Variants in MAML3 observed in about 807,000 individuals in gnomAD.
MAML3 encodes mastermind-like protein 3.
MAML3 carries 27 observed loss-of-function variants against 101.9 expected under a neutral mutation model. The ratio of observed to expected loss-of-function variants is 0.27; its 90% confidence interval spans 0.20 to 0.37. The LOEUF is 0.37. Ranked by LOEUF, MAML3 falls within the 10% of genes least tolerant of loss-of-function variation. The pLI, the probability that MAML3 is intolerant of heterozygous loss-of-function variation, is 1.00. For synonymous variants in MAML3, 501 were observed against 555.9 expected (o/e 0.90, Z 1.39); for missense variants, 1,316 against 1,444.9 (o/e 0.91, Z 1.45).
intron 1 of MAML3, among the ~76,000 whole-genome samples, chr4:140,083,961 CACACACAGAGAGAG>C (rs764911405): frequency 0.055 from 1,975 of 35,948 alleles, 36 homozygotes; most frequent in African/African-American, 0.12. Flanking sequence ...CACACACACA[CACACACAGAGAGAG>C]AGAGAGAGAG....
chr4:139,746,696 C>G (rs1360533814), intron 2 of MAML3, among the ~76,000 whole-genome samples: 1 of 152,146 alleles, frequency 6.6e-6, no homozygotes, highest in Non-Finnish European at 1.5e-5. Flanking sequence ...CGCAGGCAGC[C>G]AATTTGTTTT....
At chr4:139,908,594 A>T (rs1298648831) in intron 1 of MAML3, among the ~76,000 whole-genome samples, 1 of 152,242 alleles carries the variant, frequency 6.6e-6, no homozygotes, top group African/African-American at 2.4e-5. Flanking sequence ...AAGGATGTTT[A>T]TTTACTAACA....
At chr4:140,144,385 A>C (rs1473388676) in intron 1 of MAML3, among the ~76,000 whole-genome samples, 1 of 150,854 alleles carries the variant, frequency 6.6e-6, no homozygotes, top group Non-Finnish European at 1.5e-5. Context: ...CACCTCTACC[A>C]AAAAAACAAA....
intron 1 of MAML3, among the ~76,000 whole-genome samples, chr4:140,086,223 C>T (rs1727949416): frequency 6.6e-6 from 1 of 152,208 alleles, no homozygotes; most frequent in African/African-American, 2.4e-5. Flanking sequence ...TCTGACCCTC[C>T]ACCATCCGCA....
chr4:140,019,307 T>TA lies in MAML3; in HGVS notation c.469-128341dup, dbSNP rs148519019. 3.4e-3 allele frequency among the ~76,000 whole-genome samples: 515 copies of TA among 152,304 alleles called. 1 individual carries two copies. Among genetic ancestry groups the TA allele is most frequent in the African/African-American group, 0.011 (470 of 41,552 alleles). On this transcript the variant is annotated intron_variant, in intron 1 of 4. Coordinates refer to ENST00000509479, the MANE Select transcript of MAML3 (RefSeq NM_018717.5). Reference sequence around the variant, plus strand: ...TCAGAAGCCTGAGTGAAGTATACCTTAGTCACCCTGTAATTAATTACTTCA... The same window carrying TA: ...TCAGAAGCCTGAGTGAAGTATACCTTAAGTCACCCTGTAATTAATTACTTCA...
intron 1 of MAML3, among the ~76,000 whole-genome samples, chr4:140,127,392 A>C (rs1411708811): frequency 6.6e-6 from 1 of 151,480 alleles, no homozygotes; most frequent in Non-Finnish European, 1.5e-5. Flanking sequence ...AAATGATGGG[A>C]GACAGTATAT....
At chr4:140,109,660 T>C (rs530340032) in intron 1 of MAML3, among the ~76,000 whole-genome samples, 1 of 152,350 alleles carries the variant, frequency 6.6e-6, no homozygotes, top group South Asian at 2.1e-4. Flanking sequence ...AACAGAAAGC[T>C]TTCCTTCAAC....
intron 1 of MAML3, among the ~76,000 whole-genome samples, chr4:140,017,869 A>G (rs1458969295): frequency 2.0e-5 from 3 of 151,940 alleles, no homozygotes; most frequent in African/African-American, 4.8e-5. Flanking sequence ...ATCAATGTTA[A>G]TACCCTGGTT....
rs1387316383 is a variant in MAML3 at position 139,970,031 on chromosome 4, T to C, written c.469-79064A>G. Reference sequence around the variant, plus strand: ...TTGATGAAGATTTTTCATTAACTACTGGGTATGAGGTCAGTGGGTTATGAA... The same window carrying C: ...TTGATGAAGATTTTTCATTAACTACCGGGTATGAGGTCAGTGGGTTATGAA... On this transcript the variant is annotated intron_variant, in intron 1 of 4. Transcript: ENST00000509479. Among the ~76,000 whole-genome samples, 4 of 152,332 alleles carry C rather than the reference T, an allele frequency of 2.6e-5. No homozygotes were observed. In the East Asian group the frequency reaches 7.7e-4, roughly 29 times the overall value.
At chr4:139,770,950 G>T (rs1247408844) in intron 2 of MAML3, among the ~76,000 whole-genome samples, 1 of 152,164 alleles carries the variant, frequency 6.6e-6, no homozygotes, top group Admixed American at 6.5e-5. Flanking sequence ...GTTGTGAAAG[G>T]ATTAACAACT....
At chr4:139,874,535 T>C (rs1467371529) in intron 2 of MAML3, among the ~76,000 whole-genome samples, 12 of 152,168 alleles carry the variant, frequency 7.9e-5, no homozygotes, top group African/African-American at 2.9e-4. Context: ...CCAGAATCTT[T>C]CTATCTTTGT....
intron 1 of MAML3, among the ~76,000 whole-genome samples, chr4:140,144,749 C>A (rs935992787): frequency 6.6e-6 from 1 of 152,120 alleles, no homozygotes; most frequent in African/African-American, 2.4e-5. Flanking sequence ...TAAAAGCATG[C>A]TTTACTTCTG....
intron 1 of MAML3, among the ~76,000 whole-genome samples, chr4:140,030,965 A>G (rs1240101249): frequency 6.6e-6 from 1 of 152,148 alleles, no homozygotes; most frequent in African/African-American, 2.4e-5. Flanking sequence ...CGTCTGAAAA[A>G]CCTGGGCTCC....
At chr4:139,828,712 CTTTTTTTT>C (rs996757226) in intron 2 of MAML3, among the ~76,000 whole-genome samples, 2 of 128,704 alleles carry the variant, frequency 1.6e-5, no homozygotes, top group Admixed American at 7.6e-5. Flanking sequence ...AGATGCACTT[CTTTTTTTT>C]TTTTTTTTTT....
In MAML3 at chr4:139,719,601, C is replaced by T. The variant is rs1386097729; in HGVS notation, c.3139G>A (p.Val1047Ile). The change falls in exon 5 of 5, where the codon GTC becomes ATC. Residue 1047 changes from valine (V) to isoleucine (I), a missense_variant. Transcript: ENST00000509479. Reference sequence around the variant, plus strand: ...ACTCCCTGGCTCAGGCCAGACATGACCATTGGCCTCGCCTGGCTGGTGCCT... The same window carrying T: ...ACTCCCTGGCTCAGGCCAGACATGATCATTGGCCTCGCCTGGCTGGTGCCT... ...QQGTSQARPM[V>I]MSGLSQGVPG... is the part of the protein sequence containing the mutation. 1.1e-5 allele frequency: 18 copies of T among 1,612,938 alleles called. No individual in the cohort carries two copies. Among genetic ancestry groups the T allele is most frequent in the Non-Finnish European group, 1.5e-5 (18 of 1,179,560 alleles).
intron 1 of MAML3, among the ~76,000 whole-genome samples, chr4:139,974,969 G>C (rs1033731122): frequency 6.6e-6 from 1 of 152,044 alleles, no homozygotes; most frequent in African/African-American, 2.4e-5. Flanking sequence ...AGATGAGTTT[G>C]TATTTGTCTC....
In MAML3 at chr4:139,981,109, G is replaced by A. The variant is rs559225899; in HGVS notation, c.469-90142C>T. ...GACAACAGGCATTTATTTTCTCAGC[G>A]TTCTGGAGTCTGGAAGCCCAAGATC... On this transcript the variant is annotated intron_variant, in intron 1 of 4. Transcript: ENST00000509479. Among the ~76,000 whole-genome samples the A allele has an allele frequency of 1.8e-4, 27 of 152,294 alleles. No homozygotes were observed. The South Asian group carries it at 2.3e-3, about 13-fold the overall frequency.
chr4:139,989,878 C>CAG (rs774170955), intron 1 of MAML3, among the ~76,000 whole-genome samples: 755 of 49,032 alleles, frequency 0.015, 3 homozygotes, highest in Non-Finnish European at 0.022. Context: ...CACACACACA[C>CAG]ACACAGAGAG....
intron 2 of MAML3, among the ~76,000 whole-genome samples, chr4:139,811,106 A>G (rs1200475168): frequency 6.6e-6 from 1 of 152,238 alleles, no homozygotes; most frequent in Non-Finnish European, 1.5e-5. Flanking sequence ...ATTGTGCATC[A>G]GTTACATTTC....
Sources: allele counts gnomAD v4.1 joint callset (sites outside exome capture counted in the v4.1 genomes callset), GRCh38; gene constraint gnomAD v4.1.1; transcripts MANE v1.5; gene names NCBI Gene and HGNC (gene_info 2026-07-23, HGNC 2026-07-21).